The following ZFP64 variants were observed in gnomAD, a reference collection of about 807,000 sequenced individuals.
The protein encoded by ZFP64 is ZFP64 zinc finger protein.
In ZFP64, 14 loss-of-function variants were observed where a neutral mutation model predicts 51.6. That is an observed-to-expected ratio of 0.27 (90% CI 0.18 to 0.42). The LOEUF is 0.42. ZFP64 is among the 10% of genes least tolerant of loss of function. The probability of loss-of-function intolerance (pLI) is 1.00; values close to 1 mark genes in which losing one functional copy is unlikely to be tolerated. For missense variants in ZFP64, 754 were observed against 906.8 expected, an observed-to-expected ratio of 0.83 and a Z score of 2.16; for synonymous variants, 375 against 361.4, an observed-to-expected ratio of 1.04 and a Z score of -0.43.
chr20:52,095,955 C>G (rs1458457692), intron 7 of ZFP64, among the ~76,000 whole-genome samples: 1 of 152,222 alleles, frequency 6.6e-6, no homozygotes, highest in African/African-American at 2.4e-5. Flanking sequence ...CCTCAAAGGG[C>G]TCCTGAATCT....
At chr20:52,171,103 G>T (rs1457889701) in intron 2 of ZFP64, among the ~76,000 whole-genome samples, 1 of 152,226 alleles carries the variant, frequency 6.6e-6, no homozygotes, top group Admixed American at 6.5e-5. Context: ...AAGGGGCATT[G>T]GGTGCTGAAG....
chr20:52,149,895 T>C (rs1189446423), downstream of ZFP64, among the ~76,000 whole-genome samples: 1 of 152,062 alleles, frequency 6.6e-6, no homozygotes. Flanking sequence ...GTAGAAAACA[T>C]ATATACGTAA....
chr20:52,103,384 C>T (rs1008710103), intron 5 of ZFP64, among the ~76,000 whole-genome samples: 1 of 152,272 alleles, frequency 6.6e-6, no homozygotes, highest in African/African-American at 2.4e-5. Context: ...TGTCGCAGAC[C>T]AAAGGTACTA....
rs1420288574 is a variant in ZFP64, at chr20:52,152,512, C to T, written c.1680G>A (p.Glu560=). Residue 560 remains glutamate (E), a synonymous_variant, in exon 6 of 6, where the codon GAG becomes GAA. Transcript: ENST00000216923. ...CAGCCGGCTGGGTCATTGCGCCCGC[C>T]TCGCTCGGACACCGCGAGGACTGAG... is the stretch of plus-strand genomic sequence containing the variant. ...APPQSSRCPS[E]AGAMTQPAVL... 6.2e-7 allele frequency: 1 copy of T among 1,605,440 alleles called. No homozygotes were observed. The highest frequency in any genetic ancestry group is 1.7e-5 in the Admixed American group (1 of 59,798).
intron 5 of ZFP64, chr20:52,104,927 C>T (rs946192654): frequency 9.0e-6 from 6 of 670,252 alleles, no homozygotes; most frequent in Non-Finnish European, 1.0e-5. Flanking sequence ...GGAATCCAGG[C>T]GGGGAAGGGG....
intron 2 of ZFP64, among the ~76,000 whole-genome samples, chr20:52,174,464 C>T (rs1002335001): frequency 9.4e-6 from 1 of 106,506 alleles, no homozygotes; most frequent in African/African-American, 3.7e-5. Context: ...GCCTGGGCAA[C>T]AGAGTGAGGC....
At chr20:52,142,839 C>CAAAAAAA (rs386393987) in intron 5 of ZFP64, among the ~76,000 whole-genome samples, 38 of 54,974 alleles carry the variant, frequency 6.9e-4, no homozygotes, top group South Asian at 2.9e-3. Context: ...GACTCCATCT[C>CAAAAAAA]AAAAAAAAAA....
chr20:52,135,314 A>G (rs565528630), intron 5 of ZFP64, among the ~76,000 whole-genome samples: 23 of 152,306 alleles, frequency 1.5e-4, no homozygotes, highest in Admixed American at 4.6e-4. Flanking sequence ...GACTGTGGCT[A>G]TTTCCCTGCT....
chr20:52,128,818 G>A (rs977999813), intron 5 of ZFP64, among the ~76,000 whole-genome samples: 3 of 152,156 alleles, frequency 2.0e-5, no homozygotes, highest in East Asian at 1.9e-4. Flanking sequence ...CTACACGATC[G>A]TCTTATATAC....
chr20:52,152,870 C>A lies in ZFP64; in HGVS notation c.1322G>T (p.Arg441Leu). 1 of 1,614,030 alleles carries A rather than the reference C, an allele frequency of 6.2e-7. No homozygotes were observed. Among genetic ancestry groups the A allele is most frequent in the Non-Finnish European group, 8.5e-7 (1 of 1,180,028 alleles). Residue 441 changes from arginine to leucine, a missense_variant, in exon 6 of 6, where the codon CGC becomes CTC. Coordinates refer to ENST00000216923, the MANE Select transcript of ZFP64 (RefSeq NM_018197.3). Reference protein sequence around the residue: ...DASFMREDSLRSHKRQHSEYS... With the variant: ...DASFMREDSLLSHKRQHSEYS... ...CTCACTGTGCTGTCTCTTGTGGCTG[C>A]GGAGCGAGTCCTCCCGCATGAAGGA...
intron 2 of ZFP64, among the ~76,000 whole-genome samples, chr20:52,168,436 T>C (rs1162863096): frequency 6.6e-6 from 1 of 152,212 alleles, no homozygotes; most frequent in African/African-American, 2.4e-5. Context: ...GACAGCAGCA[T>C]TGGAGCTGCC....
chr20:52,109,111 A>G (rs1978410775), intron 5 of ZFP64, among the ~76,000 whole-genome samples: 1 of 152,120 alleles, frequency 6.6e-6, no homozygotes, highest in Admixed American at 6.6e-5. Context: ...TGTACCTGGA[A>G]CAAATGGATT....
chr20:52,094,260 G>T (rs908579437), intron 7 of ZFP64, among the ~76,000 whole-genome samples: 5 of 152,228 alleles, frequency 3.3e-5, no homozygotes, highest in African/African-American at 9.6e-5. Context: ...AGAGGGGATT[G>T]TGTGCACGTT....
chr20:52,153,024 T>C lies in ZFP64; in HGVS notation c.1168A>G (p.Met390Val). Residue 390 changes from methionine (M) to valine (V), a missense_variant, in exon 6 of 6, where the codon ATG becomes GTG. By Grantham distance (21) the Met-to-Val change is conservative. Around this residue, in one of 3 missense-constraint regions of ZFP64, gnomAD observed 428 missense variants for 472.4 expected, o/e 0.91. Coordinates refer to ENST00000216923, the MANE Select transcript of ZFP64 (RefSeq NM_018197.3). This position sits in a 1 kb window ranked among gnomAD's most constrained non-coding sequence, Gnocchi z 5.1. ...TKQPSNLSKH[M>V]KKFHGDMVKT... ...ACCATGTCCCCATGGAACTTCTTCA[T>C]GTGCTTGCTCAGGTTGCTGGGCTGT... 6.2e-7 allele frequency: 1 copy of C among 1,614,076 alleles called. No homozygotes were observed.
chr20:52,125,436 C>G lies in ZFP64; in HGVS notation c.764-26849G>C, dbSNP rs542174203. 7.2e-5 allele frequency among the ~76,000 whole-genome samples: 11 copies of G among 152,350 alleles called. No individual in the cohort carries two copies. The East Asian group carries it at 2.1e-3, about 29-fold the overall frequency. ...CAGGTGGCATACTGGAACTGATGCA[C>G]TGGGAAACCCTAAGCTGCACCCCAC... On this transcript the variant is annotated intron_variant, in intron 5 of 8. Coordinates refer to the ZFP64 transcript ENST00000361387.
chr20:52,104,727 A>G (rs1600710452), intron 5 of ZFP64: 1 of 491,956 alleles, frequency 2.0e-6, no homozygotes, highest in Non-Finnish European at 4.2e-6. Context: ...TTCCCTGGAC[A>G]ACGCATTTGA....
At chr20:52,103,201 G>A (rs2079072050) in intron 5 of ZFP64, among the ~76,000 whole-genome samples, 2 of 152,140 alleles carry the variant, frequency 1.3e-5, no homozygotes, top group Admixed American at 6.5e-5. Flanking sequence ...CTGGGGAAAC[G>A]GATGATGTTC....
exon 9 of ZFP64, chr20:52,084,210 T>G: frequency 4.0e-6 from 1 of 249,374 alleles, no homozygotes; most frequent in East Asian, 8.5e-5. Flanking sequence ...CGTCTAAGTT[T>G]AATAATTCCA....
chr20:52,135,367 C>T (rs1979918489), intron 5 of ZFP64, among the ~76,000 whole-genome samples: 1 of 152,162 alleles, frequency 6.6e-6, no homozygotes, highest in Non-Finnish European at 1.5e-5. Context: ...AGATATGGCC[C>T]ACAAAGCTGA....
Sources: gnomAD v4.1 joint callset for allele counts (sites outside exome capture counted in the v4.1 genomes callset) on GRCh38, gnomAD v4.1.1 for gene constraint, gnomAD v4.1.1 regional missense constraint, Gnocchi (gnomAD v3.1) non-coding constraint, MANE v1.5 for transcripts, NCBI Gene and HGNC (gene_info 2026-07-23, HGNC 2026-07-21) for gene names.